Variants in PSD3 observed in about 807,000 individuals in gnomAD.
PSD3 encodes PH and SEC7 domain-containing protein 3.
A neutral mutation model predicts 105.5 loss-of-function variants in PSD3; 49 were observed. That is an observed-to-expected ratio of 0.46 (90% CI 0.37 to 0.59). The LOEUF (loss-of-function observed/expected upper bound fraction) is 0.59. PSD3 is among the 20% of genes least tolerant of loss of function. PSD3 has a pLI of 0.00. For synonymous variants in PSD3, 557 were observed against 457.8 expected (o/e 1.22, Z -2.77); for missense variants, 1,561 against 1,263.8 (o/e 1.24, Z -3.57).
intron 9 of PSD3, among the ~76,000 whole-genome samples, chr8:18,761,051 G>A (rs1185080007): frequency 6.6e-6 from 1 of 152,160 alleles, no homozygotes; most frequent in Non-Finnish European, 1.5e-5. Flanking sequence ...ACCAGTTCAA[G>A]AGCCAATGCA....
At chr8:18,644,071 A>G (rs1807852559) in intron 10 of PSD3, among the ~76,000 whole-genome samples, 1 of 152,194 alleles carries the variant, frequency 6.6e-6, no homozygotes, top group Admixed American at 6.5e-5. Context: ...CACCTCTGGG[A>G]CTGTGATGGA....
chr8:18,591,122 C>T (rs1344112927), intron 12 of PSD3, among the ~76,000 whole-genome samples: 2 of 152,074 alleles, frequency 1.3e-5, no homozygotes, highest in Admixed American at 1.3e-4. Context: ...GGTTGTAGTA[C>T]CCCAGGAGAG....
At chr8:19,050,579 C>T (rs1378015227) in intron 1 of PSD3, among the ~76,000 whole-genome samples, 2 of 152,048 alleles carry the variant, frequency 1.3e-5, no homozygotes, top group African/African-American at 2.4e-5. Context: ...AGTAAACTAT[C>T]GCAAGAACAA....
intron 10 of PSD3, among the ~76,000 whole-genome samples, chr8:18,645,575 T>C (rs1314959664): frequency 3.9e-5 from 6 of 152,242 alleles, no homozygotes; most frequent in South Asian, 2.1e-4. Flanking sequence ...ATTCTTCGTA[T>C]AGATTGTCTT....
At chr8:18,671,873 C>T (rs896408663) in intron 9 of PSD3, among the ~76,000 whole-genome samples, 2 of 152,028 alleles carry the variant, frequency 1.3e-5, no homozygotes, top group African/African-American at 2.4e-5. Flanking sequence ...CCTTGTTATC[C>T]GCCCGCCTTG....
At chr8:18,710,970 A>AC (rs1396750988) in intron 9 of PSD3, among the ~76,000 whole-genome samples, 2 of 151,942 alleles carry the variant, frequency 1.3e-5, no homozygotes, top group Middle Eastern at 3.2e-3. Flanking sequence ...GGCATGAGCC[A>AC]CTGCGCCTGG....
chr8:18,885,419 T>TA (rs1403509460), intron 2 of PSD3, among the ~76,000 whole-genome samples: 1 of 152,196 alleles, frequency 6.6e-6, no homozygotes, highest in African/African-American at 2.4e-5. Flanking sequence ...GTTTCGTATA[T>TA]ATGTAGGAAA....
At chr8:18,898,387 A>G (rs1482591748) in intron 2 of PSD3, among the ~76,000 whole-genome samples, 3 of 152,118 alleles carry the variant, frequency 2.0e-5, no homozygotes, top group Non-Finnish European at 4.4e-5. Flanking sequence ...GAGTTTACTT[A>G]AAGTCTGTTT....
chr8:18,595,328 A>G (rs1804012014), intron 12 of PSD3, among the ~76,000 whole-genome samples: 1 of 151,668 alleles, frequency 6.6e-6, no homozygotes. Flanking sequence ...TAAAAAAGTG[A>G]CAAGACAGAA....
At chr8:18,546,144 C>G (rs2012342) in intron 15 of PSD3, among the ~76,000 whole-genome samples, 1 of 151,834 alleles carries the variant, frequency 6.6e-6, no homozygotes, top group Non-Finnish European at 1.5e-5. Context: ...TACAGGTGCC[C>G]GCCACCATGC....
intron 9 of PSD3, among the ~76,000 whole-genome samples, chr8:18,676,683 C>T (rs1205056402): frequency 2.6e-5 from 4 of 152,298 alleles, no homozygotes; most frequent in Middle Eastern, 3.4e-3. Flanking sequence ...TATGCTGACC[C>T]GCATACCCTA....
At chr8:18,941,925 G>A (rs947463168) in intron 1 of PSD3, among the ~76,000 whole-genome samples, 13 of 151,990 alleles carry the variant, frequency 8.6e-5, no homozygotes, top group African/African-American at 2.4e-4. Flanking sequence ...CGCCCGCCTC[G>A]GCCTCCCAAA....
intron 1 of PSD3, among the ~76,000 whole-genome samples, chr8:18,970,059 C>T (rs201714525): frequency 3.5e-5 from 5 of 142,288 alleles, no homozygotes; most frequent in African/African-American, 7.8e-5. Context: ...CAGGTGCGGG[C>T]TCACACCTGT....
At position 18,632,634 on chromosome 8, in the gene PSD3, C is replaced by G; in HGVS notation, c.2389G>C (p.Ala797Pro). The change falls in exon 11 of 16, where the codon GCA becomes CCA. Residue 797 changes from alanine (A) to proline (P), a missense_variant. Coordinates refer to ENST00000327040, the MANE Select transcript of PSD3 (RefSeq NM_015310.4). ...TTACTCTTCTTTCCATCCATATCTG[C>G]ATGAATTTTCCGAGCCAAGAATCCA... ...KSGFLARKIH[A>P]DMDGKKTPRG... The G allele has an allele frequency of 6.2e-7, 1 of 1,612,100 alleles. No homozygotes were observed. The highest frequency in any genetic ancestry group is 1.3e-5 in the African/African-American group (1 of 74,926).
chr8:18,668,920 G>C (rs1799628568), intron 9 of PSD3, among the ~76,000 whole-genome samples: 3 of 152,080 alleles, frequency 2.0e-5, no homozygotes, highest in Admixed American at 6.5e-5. Context: ...TATCAGCTTA[G>C]GCCTTCTTAT....
At chr8:19,002,783 A>G (rs1163268985) in intron 1 of PSD3, among the ~76,000 whole-genome samples, 14 of 152,072 alleles carry the variant, frequency 9.2e-5, no homozygotes, top group Admixed American at 7.2e-4. Flanking sequence ...TTTTGATCTG[A>G]GGTTGATTGA....
intron 8 of PSD3, among the ~76,000 whole-genome samples, chr8:18,772,055 G>A (rs552317843): frequency 2.5e-4 from 38 of 152,238 alleles, no homozygotes; most frequent in African/African-American, 8.9e-4. Flanking sequence ...GCATGTGACA[G>A]GATTTCTTTC....
intron 1 of PSD3, among the ~76,000 whole-genome samples, chr8:18,956,568 T>C (rs1010393323): frequency 6.6e-6 from 1 of 152,196 alleles, no homozygotes; most frequent in African/African-American, 2.4e-5. Context: ...AAGGGAGACC[T>C]AATCACCTTA....
intron 15 of PSD3, among the ~76,000 whole-genome samples, chr8:18,542,605 A>C (rs901545870): frequency 5.3e-5 from 8 of 152,222 alleles, no homozygotes; most frequent in Non-Finnish European, 1.0e-4. Context: ...ACATAGTTCC[A>C]GATAGGGCAC....
Sources: gnomAD v4.1 joint callset for allele counts (sites outside exome capture counted in the v4.1 genomes callset) on GRCh38, gnomAD v4.1.1 for gene constraint, MANE v1.5 for transcripts, NCBI Gene and HGNC (gene_info 2026-07-23, HGNC 2026-07-21) for gene names.